Variants in KPNA5 observed in about 807,000 individuals in gnomAD.
KPNA5 encodes the protein karyopherin subunit alpha 5.
A neutral mutation model predicts 71.3 loss-of-function variants in KPNA5; 46 were observed. That is an observed-to-expected ratio of 0.65 (90% CI 0.51 to 0.83). The LOEUF (loss-of-function observed/expected upper bound fraction) is 0.83. Ranked by LOEUF, KPNA5 falls within the 40% of genes least tolerant of loss-of-function variation. The pLI is 0.00. For missense variants in KPNA5, 547 were observed against 628.3 expected (o/e 0.87, Z 1.38); for synonymous variants, 207 against 201.4 (o/e 1.03, Z -0.24).
chr6:116,683,240 TGC>T (rs1274414504), intron 1 of KPNA5, among the ~76,000 whole-genome samples: 3 of 152,206 alleles, frequency 2.0e-5, no homozygotes, highest in Non-Finnish European at 4.4e-5. Context: ...AGAATAGTAA[TGC>T]ATGTATAGAA....
chr6:116,681,446 G>A lies in KPNA5; in HGVS notation c.4+108G>A. 4 of 1,443,506 alleles carry A rather than the reference G, an allele frequency of 2.8e-6. No homozygotes were observed. In the South Asian group the frequency reaches 6.0e-5, roughly 22 times the overall value. 89.4% of individuals were successfully genotyped at this position (1,443,506 alleles called of 1,614,324 possible). On this transcript the variant is annotated intron_variant, in intron 1 of 13. Coordinates refer to ENST00000368564, the MANE Select transcript of KPNA5 (RefSeq NM_001366306.2). ...TTTTATTTACCCCTTACTTTGCGAA[G>A]GTCTCTGGAACCTGGCGGTGCCGGG...
intron 8 of KPNA5, among the ~76,000 whole-genome samples, chr6:116,720,380 G>A (rs189138450): frequency 1.3e-4 from 20 of 151,282 alleles, no homozygotes; most frequent in African/African-American, 4.8e-4. Flanking sequence ...CCTTTTCAAA[G>A]TTGGAATTTG....
At position 116,736,501 on chromosome 6, in the gene KPNA5, T is replaced by C. The variant is rs1779673588; in HGVS notation, c.*4178T>C. The C allele has an allele frequency of 6.6e-6, 1 of 151,964 alleles. No homozygotes were observed. The highest frequency in any genetic ancestry group is 1.5e-5 in the Non-Finnish European group (1 of 67,912). The allele number at this position is 151,964 out of a possible 1,614,324, so 9.4% of individuals were successfully genotyped here. A position where few individuals can be genotyped will look rare whatever the true frequency, so the allele number is the denominator to read the frequency against. ...CTGGCACTAGCCATATTTCAAGTGC[T>C]CAGTAGGGAGTGCAGGGCTACAGTA... On this transcript the variant is annotated 3_prime_UTR_variant, in exon 14 of 14. Transcript: ENST00000368564.
Position 116,741,571 on chromosome 6 carries a change from T to C in KPNA5, c.*9248T>C, listed in dbSNP as rs1198087326. ...CCATATTATGCCAAGAGGAAAAATA[T>C]CATGATCATATTGAAAGATCAAGCA... On this transcript the variant is annotated 3_prime_UTR_variant, in exon 14 of 14. Coordinates refer to ENST00000368564, the MANE Select transcript of KPNA5 (RefSeq NM_001366306.2). 1 of 152,844 alleles carries C rather than the reference T, an allele frequency of 6.5e-6. No individual in the cohort carries two copies. Among genetic ancestry groups the C allele is most frequent in the Non-Finnish European group, 1.5e-5 (1 of 68,006 alleles). 9.5% of individuals were successfully genotyped at this position (152,844 alleles called of 1,614,324 possible).
At chr6:116,720,958 A>G (rs1302418269) in intron 8 of KPNA5, among the ~76,000 whole-genome samples, 3 of 152,246 alleles carry the variant, frequency 2.0e-5, no homozygotes, top group Non-Finnish European at 4.4e-5. Context: ...ACAGATAGAC[A>G]TACCTATTAT....
rs1227063023 is a variant in KPNA5 at position 116,734,539 on chromosome 6, C to T, written c.*2216C>T. The T allele has an allele frequency of 6.6e-6, 1 of 151,462 alleles. No individual in the cohort carries two copies. The highest frequency in any genetic ancestry group is 1.5e-5 in the Non-Finnish European group (1 of 67,680). The allele number at this position is 151,462 out of a possible 1,614,324, so 9.4% of individuals were successfully genotyped here. A position where few individuals can be genotyped will look rare whatever the true frequency, so the allele number is the denominator to read the frequency against. On this transcript the variant is annotated 3_prime_UTR_variant, in exon 14 of 14. Transcript: ENST00000368564. ...GGGTAATTAATTTTAGATTTGATTG[C>T]AAAGAGCACTGTATAGCAGTTGGGA...
Position 116,737,130 on chromosome 6 carries a change from G to A in KPNA5, c.*4807G>A, listed in dbSNP as rs1779699792. On this transcript the variant is annotated 3_prime_UTR_variant, in exon 14 of 14. Transcript: ENST00000368564. ...TTCTTCTTAACACAAGTTACTAGGGGAAAAAATGTGATCCTTTAAAGGCTT... is the reference window on the plus strand; with the variant it reads ...TTCTTCTTAACACAAGTTACTAGGGAAAAAAATGTGATCCTTTAAAGGCTT... 1 of 151,852 alleles carries A rather than the reference G, an allele frequency of 6.6e-6. No individual in the cohort carries two copies. The highest frequency in any genetic ancestry group is 2.4e-5 in the African/African-American group (1 of 41,386). The allele number at this position is 151,852 out of a possible 1,614,324, so 9.4% of individuals were successfully genotyped here.
At chr6:116,710,894 T>TATATATA (rs57807333) in intron 7 of KPNA5, among the ~76,000 whole-genome samples, 917 of 79,194 alleles carry the variant, frequency 0.012, 54 homozygotes, top group African/African-American at 0.034. Flanking sequence ...TATATATATA[T>TATATATA]TTTTTTTTTT....
rs1779790643 is a variant in KPNA5, at chr6:116,739,465, C to T, written c.*7142C>T. 2 of 152,114 alleles carry T rather than the reference C, an allele frequency of 1.3e-5. No homozygotes were observed. Among genetic ancestry groups the T allele is most frequent in the Admixed American group, 1.3e-4 (2 of 15,256 alleles). 9.4% of individuals were successfully genotyped at this position (152,114 alleles called of 1,614,324 possible). On this transcript the variant is annotated 3_prime_UTR_variant, in exon 14 of 14. Coordinates refer to ENST00000368564, the MANE Select transcript of KPNA5 (RefSeq NM_001366306.2). ...TTCAATGCCATCCCCATCAAGCTACCAATGCCTTTCTTCACAGAATTGCAA... is the reference window on the plus strand; with the variant it reads ...TTCAATGCCATCCCCATCAAGCTACTAATGCCTTTCTTCACAGAATTGCAA...
chr6:116,700,016 G>A (rs1182871715), intron 5 of KPNA5, among the ~76,000 whole-genome samples: 1 of 152,156 alleles, frequency 6.6e-6, no homozygotes, highest in Non-Finnish European at 1.5e-5. Context: ...GTACTCTGGG[G>A]ACACAGAACA....
intron 7 of KPNA5, among the ~76,000 whole-genome samples, chr6:116,712,968 A>G (rs1778759436): frequency 6.6e-6 from 1 of 152,028 alleles, no homozygotes; most frequent in Non-Finnish European, 1.5e-5. Flanking sequence ...ACTCCTATAC[A>G]TATCTGTCTC....
rs1431120654 is a variant in KPNA5, at chr6:116,735,764, A to C, written c.*3441A>C. ...AAAACTAACAAAGGAGAAAAAATAG[A>C]ATTATAAAAAATAGCTAATCCAAAA... On this transcript the variant is annotated 3_prime_UTR_variant, in exon 14 of 14. Transcript: ENST00000368564. The C allele has an allele frequency of 2.0e-5, 3 of 151,800 alleles. No individual in the cohort carries two copies. The highest frequency in any genetic ancestry group is 2.9e-5 in the Non-Finnish European group (2 of 67,810). The allele number at this position is 151,800 out of a possible 1,614,324, so 9.4% of individuals were successfully genotyped here. A position where few individuals can be genotyped will look rare whatever the true frequency, so the allele number is the denominator to read the frequency against.
chr6:116,704,086 G>A (rs1778342851), intron 6 of KPNA5, among the ~76,000 whole-genome samples: 1 of 151,214 alleles, frequency 6.6e-6, no homozygotes, highest in Non-Finnish European at 1.5e-5. Context: ...CACTCAGGCT[G>A]CAGTGCAGTG....
chr6:116,694,747 ATAATG>A (rs1221416118), intron 4 of KPNA5, among the ~76,000 whole-genome samples: 1 of 152,178 alleles, frequency 6.6e-6, no homozygotes, highest in African/African-American at 2.4e-5. Flanking sequence ...AAATCACAAA[ATAATG>A]TAATCAGGCA....
intron 10 of KPNA5, among the ~76,000 whole-genome samples, chr6:116,725,349 C>T (rs1309426334): frequency 6.6e-6 from 1 of 152,136 alleles, no homozygotes; most frequent in Non-Finnish European, 1.5e-5. Flanking sequence ...ATTCTACATG[C>T]TGTTTTTAAT....
intron 1 of KPNA5, among the ~76,000 whole-genome samples, chr6:116,682,370 C>A (rs999877168): frequency 6.6e-6 from 1 of 151,146 alleles, no homozygotes; most frequent in Admixed American, 6.6e-5. Context: ...TACTTTTGAG[C>A]TTTTTAGACA....
intron 9 of KPNA5, among the ~76,000 whole-genome samples, chr6:116,723,564 GGGTTCTC>G (rs1156823862): frequency 6.6e-6 from 1 of 152,082 alleles, no homozygotes; most frequent in East Asian, 1.9e-4. Context: ...CTATTTGAAG[GGGTTCTC>G]ACTATCCAAA....
intron 1 of KPNA5, among the ~76,000 whole-genome samples, chr6:116,682,201 C>T (rs1777388344): frequency 6.6e-6 from 1 of 152,018 alleles, no homozygotes; most frequent in Non-Finnish European, 1.5e-5. Context: ...TGGTGGTGGG[C>T]GCCTGTAGTC....
Position 116,725,847 on chromosome 6 carries a change from A to G in KPNA5, c.1096A>G (p.Ile366Val), listed in dbSNP as rs1779268307. 1.9e-6 allele frequency: 3 copies of G among 1,613,386 alleles called. No homozygotes were observed. The change falls in exon 11 of 14, where the codon ATC becomes GTC. Residue 366 changes from isoleucine to valine, a missense_variant. Coordinates refer to ENST00000368564, the MANE Select transcript of KPNA5 (RefSeq NM_001366306.2). ...AGAAGCCTGCTGGACTGTTTCTAAC[A>G]TCACTGCTGGAAATAGAGCTCAGAT... is the stretch of plus-strand genomic sequence containing the variant. ...RKEACWTVSN[I>V]TAGNRAQIQA...
Sources: allele counts gnomAD v4.1 joint callset (sites outside exome capture counted in the v4.1 genomes callset), GRCh38; gene constraint gnomAD v4.1.1; transcripts MANE v1.5; gene names NCBI Gene and HGNC (gene_info 2026-07-23, HGNC 2026-07-21).